The following CSMD1 variants were observed in gnomAD, a reference collection of about 807,000 sequenced individuals.
CSMD1 encodes the protein CUB and sushi domain-containing protein 1.
CSMD1 carries 213 observed loss-of-function variants against 417.5 expected under a neutral mutation model. The ratio of observed to expected loss-of-function variants is 0.51; its 90% CI spans 0.46 to 0.57. CSMD1 has a LOEUF of 0.57. Among genes scored for constraint, CSMD1 ranks in the 20% least tolerant of loss-of-function variants. The pLI, the probability that CSMD1 is intolerant of heterozygous loss-of-function variation, is 0.00. For missense variants in CSMD1, 6,923 were observed against 4,529.7 expected (o/e 1.53, Z -15.17); for synonymous variants, 2,862 against 1,736.8 (o/e 1.65, Z -16.11).
chr8:4,517,907 A>G (rs910172504), intron 2 of CSMD1, among the ~76,000 whole-genome samples: 43 of 152,212 alleles, frequency 2.8e-4, no homozygotes, highest in Admixed American at 2.7e-3. Context: ...GTCTAGTAAC[A>G]GTCTAAGAGT....
intron 3 of CSMD1, among the ~76,000 whole-genome samples, chr8:4,320,980 G>T (rs1305261754): frequency 6.6e-6 from 1 of 152,040 alleles, no homozygotes; most frequent in Non-Finnish European, 1.5e-5. Context: ...TTTCAGCATT[G>T]CCTCCTTATA....
intron 40 of CSMD1, among the ~76,000 whole-genome samples, chr8:3,144,792 CA>C (rs1195908799): frequency 5.5e-4 from 18 of 32,786 alleles, no homozygotes; most frequent in East Asian, 1.2e-3. Context: ...AAAGAGGCAA[CA>C]AGGGGGGGGG....
At chr8:4,130,185 C>G (rs886082855) in intron 3 of CSMD1, among the ~76,000 whole-genome samples, 2 of 152,110 alleles carry the variant, frequency 1.3e-5, no homozygotes, top group Non-Finnish European at 2.9e-5. Context: ...TTAGTTCTTT[C>G]TTTCTCTTGA....
intron 1 of CSMD1, among the ~76,000 whole-genome samples, chr8:4,734,981 G>A (rs1011039464): frequency 1.8e-4 from 27 of 152,320 alleles, no homozygotes; most frequent in African/African-American, 6.3e-4. Context: ...CCATATGGAT[G>A]TTATAAGATG....
At chr8:4,989,283 A>AG (rs1261684218) in intron 1 of CSMD1, among the ~76,000 whole-genome samples, 2 of 148,634 alleles carry the variant, frequency 1.3e-5, no homozygotes, top group African/African-American at 2.4e-5. Context: ...TAAAAAAAGA[A>AG]AAAAAAAAAT....
intron 6 of CSMD1, among the ~76,000 whole-genome samples, chr8:3,741,130 C>T (rs1418929108): frequency 6.9e-6 from 1 of 145,292 alleles, no homozygotes; most frequent in Non-Finnish European, 1.5e-5. Flanking sequence ...AAGAGAATCA[C>T]TTGAAGCTGG....
intron 1 of CSMD1, among the ~76,000 whole-genome samples, chr8:4,985,440 G>A (rs192516993): frequency 2.0e-5 from 3 of 152,178 alleles, no homozygotes; most frequent in Admixed American, 6.5e-5. Context: ...ATACTGAACT[G>A]AGTGATTCTG....
At chr8:3,461,882 G>C (rs1231185087) in intron 12 of CSMD1, among the ~76,000 whole-genome samples, 2 of 152,220 alleles carry the variant, frequency 1.3e-5, no homozygotes, top group East Asian at 3.9e-4. Context: ...ACTTGGGTCA[G>C]CATCGCCCTG....
intron 3 of CSMD1, among the ~76,000 whole-genome samples, chr8:4,268,632 A>C (rs954891663): frequency 2.0e-5 from 3 of 152,204 alleles, no homozygotes; most frequent in African/African-American, 7.2e-5. Flanking sequence ...TCAAGTTCAC[A>C]GAAAACCTAA....
At chr8:3,982,147 G>A (rs977240893) in intron 5 of CSMD1, among the ~76,000 whole-genome samples, 18 of 140,914 alleles carry the variant, frequency 1.3e-4, no homozygotes, top group Admixed American at 3.6e-4. Flanking sequence ...GACACAGCGA[G>A]GCTCTATCTC....
At chr8:4,225,006 G>A (rs1350055433) in intron 3 of CSMD1, among the ~76,000 whole-genome samples, 1 of 152,192 alleles carries the variant, frequency 6.6e-6, no homozygotes, top group Non-Finnish European at 1.5e-5. Context: ...CAGCTATTGG[G>A]GAGGCTGAGG....
In CSMD1 at chr8:3,754,051, G is replaced by C. The variant is rs1022033373; in HGVS notation, c.819-9C>G. On this transcript the variant is annotated splice_polypyrimidine_tract_variant and intron_variant, in intron 5 of 69. Coordinates refer to ENST00000635120, the MANE Select transcript of CSMD1 (RefSeq NM_033225.6). ...GGTTCATGCCAGTTAGCCTAGAGAA[G>C]AGAAAGAGGAAAAAAATCTCCCTTG... The C allele has an allele frequency of 5.0e-6, 8 of 1,592,104 alleles. No homozygotes were observed. Among genetic ancestry groups the C allele is most frequent in the South Asian group, 1.1e-5 (1 of 90,196 alleles).
At chr8:4,965,956 A>C (rs997663360) in intron 1 of CSMD1, among the ~76,000 whole-genome samples, 3 of 152,202 alleles carry the variant, frequency 2.0e-5, no homozygotes, top group South Asian at 4.1e-4. Context: ...ATGTGTGAGC[A>C]TAACTCAAGT....
chr8:3,488,310 G>T (rs747487854), intron 11 of CSMD1, among the ~76,000 whole-genome samples: 2 of 151,966 alleles, frequency 1.3e-5, no homozygotes, highest in Non-Finnish European at 2.9e-5. Flanking sequence ...GTTTCATCCT[G>T]TTGCCCAGGT....
At chr8:3,452,382 C>A (rs1181854939) in intron 12 of CSMD1, among the ~76,000 whole-genome samples, 2 of 152,176 alleles carry the variant, frequency 1.3e-5, no homozygotes, top group Non-Finnish European at 2.9e-5. Context: ...AGAGGGCACT[C>A]CTGTCTTGTG....
intron 2 of CSMD1, among the ~76,000 whole-genome samples, chr8:4,561,435 C>G (rs1392972946): frequency 6.6e-6 from 1 of 152,184 alleles, no homozygotes; most frequent in Non-Finnish European, 1.5e-5. Flanking sequence ...GTAATCTCAG[C>G]ACTTTGGTAG....
Position 3,243,333 on chromosome 8 carries a change from A to T in CSMD1, c.4154-13102T>A, listed in dbSNP as rs142957322. Reference sequence around the variant, plus strand: ...ACAGCACCACATTTCACTCGCGTCCATGTGAAGACACCACCAAACAGGCTT... The same window carrying T: ...ACAGCACCACATTTCACTCGCGTCCTTGTGAAGACACCACCAAACAGGCTT... On this transcript the variant is annotated intron_variant, in intron 26 of 69. Transcript: ENST00000635120. Among the ~76,000 whole-genome samples the T allele has an allele frequency of 3.7e-4, 56 of 152,304 alleles. 1 individual carries two copies. The East Asian group carries it at 0.01, about 28-fold the overall frequency.
intron 1 of CSMD1, among the ~76,000 whole-genome samples, chr8:4,810,430 C>A (rs1473744288): frequency 6.6e-6 from 1 of 152,138 alleles, no homozygotes; most frequent in Non-Finnish European, 1.5e-5. Flanking sequence ...TGCAGGGAAA[C>A]TAAACAAGGC....
intron 5 of CSMD1, among the ~76,000 whole-genome samples, chr8:3,756,332 A>G (rs561022486): frequency 3.4e-4 from 49 of 143,370 alleles, no homozygotes; most frequent in African/African-American, 1.2e-3. Flanking sequence ...CACCCTGGGC[A>G]ACACACTGAG....
Sources: gnomAD v4.1 joint callset for allele counts (sites outside exome capture counted in the v4.1 genomes callset) on GRCh38, gnomAD v4.1.1 for gene constraint, MANE v1.5 for transcripts, NCBI Gene and HGNC (gene_info 2026-07-23, HGNC 2026-07-21) for gene names.